Variants in SORCS3 observed in about 807,000 individuals in gnomAD.
SORCS3 encodes sortilin related VPS10 domain containing receptor 3, also known as VPS10 domain-containing receptor SorCS3.
In SORCS3, 57 loss-of-function variants were observed where a neutral mutation model predicts 146.3. That is an observed-to-expected ratio of 0.39 (90% CI 0.31 to 0.49). SORCS3 has a LOEUF of 0.49. Ranked by LOEUF, SORCS3 falls within the 20% of genes least tolerant of loss-of-function variation. The pLI is 0.92. For missense variants in SORCS3, 1,341 were observed against 1,575.5 expected, an observed-to-expected ratio of 0.85 and a Z score of 2.52; for synonymous variants, 653 against 618.5, an observed-to-expected ratio of 1.06 and a Z score of -0.83.
At chr10:105,083,761 G>A (rs2055640743) in intron 5 of SORCS3, among the ~76,000 whole-genome samples, 1 of 152,080 alleles carries the variant, frequency 6.6e-6, no homozygotes, top group South Asian at 2.1e-4. Context: ...TCCAGTTCAT[G>A]TAGTCTAGAA....
rs146222880 is a variant in SORCS3, at chr10:104,814,755, A to G, written c.628-28037A>G. ...CATTTGCATCATTAGGACATAGTAG[A>G]TACCACTTATTAATTAATGGATGTG... On this transcript the variant is annotated intron_variant, in intron 1 of 26. Transcript: ENST00000369701. 6.2e-4 allele frequency among the ~76,000 whole-genome samples: 95 copies of G among 152,358 alleles called. 2 individuals are homozygous for G. The East Asian group carries it at 0.016, about 26-fold the overall frequency.
At chr10:104,981,267 A>G (rs897207017) in intron 4 of SORCS3, among the ~76,000 whole-genome samples, 2 of 152,228 alleles carry the variant, frequency 1.3e-5, no homozygotes, top group Non-Finnish European at 2.9e-5. Context: ...TTAATTTAAA[A>G]GGACTCAGTA....
chr10:104,812,751 G>A (rs1387639725), intron 1 of SORCS3, among the ~76,000 whole-genome samples: 1 of 152,162 alleles, frequency 6.6e-6, no homozygotes, highest in Non-Finnish European at 1.5e-5. Context: ...GCAAGGCAGT[G>A]CTGTGGAGTC....
At chr10:104,707,975 T>C (rs1287722917) in intron 1 of SORCS3, among the ~76,000 whole-genome samples, 1 of 152,194 alleles carries the variant, frequency 6.6e-6, no homozygotes, top group African/African-American at 2.4e-5. Flanking sequence ...GAGTTTCCAT[T>C]GTATTTATAG....
chr10:104,667,827 T>C (rs2015800628), intron 1 of SORCS3, among the ~76,000 whole-genome samples: 1 of 152,212 alleles, frequency 6.6e-6, no homozygotes, highest in Non-Finnish European at 1.5e-5. Flanking sequence ...TAGGATGGTG[T>C]CAGCTTAGTG....
chr10:105,201,305 G>C, intron 16 of SORCS3, 52 bp downstream of exon 16: 1 of 1,553,208 alleles, frequency 6.4e-7, no homozygotes, highest in Non-Finnish European at 8.7e-7. Context: ...TCACCTGTCT[G>C]TGGGGTGGGG....
At chr10:105,212,403 G>A (rs780638833) in intron 17 of SORCS3, among the ~76,000 whole-genome samples, 6 of 152,208 alleles carry the variant, frequency 3.9e-5, no homozygotes, top group African/African-American at 1.4e-4. Context: ...GTGCCAGGAA[G>A]TTTGAGGAAA....
Position 105,092,608 on chromosome 10 carries a change from A to AACACACACACACACAC in SORCS3, c.1093+2785_1093+2800dup, listed in dbSNP as rs61665816. ...GCTCCCTCACACTTGTGCATTCACA[A>AACACACACACACACAC]ACACACACACACACACACACACACA... On this transcript the variant is annotated intron_variant, in intron 6 of 26. Coordinates refer to ENST00000369701, the MANE Select transcript of SORCS3 (RefSeq NM_014978.3). Among the ~76,000 whole-genome samples the AACACACACACACACAC allele has an allele frequency of 4.9e-3, 726 of 147,352 alleles. 5 individuals are homozygous for AACACACACACACACAC. Among genetic ancestry groups the AACACACACACACACAC allele is most frequent in the Admixed American group, 7.6e-3 (112 of 14,716 alleles).
At chr10:105,223,081 A>G (rs2056713717) in intron 19 of SORCS3, 35 bp from the exon 20 acceptor site, 1 of 1,577,284 alleles carries the variant, frequency 6.3e-7, no homozygotes, top group South Asian at 1.1e-5. Flanking sequence ...CACATCCAGA[A>G]TATAAACACT....
intron 1 of SORCS3, among the ~76,000 whole-genome samples, chr10:104,745,017 G>A (rs1216659403): frequency 6.6e-6 from 1 of 152,138 alleles, no homozygotes. Context: ...AAGGAATCAG[G>A]GAATGATTAG....
At chr10:105,158,302 A>G (rs538735967) in intron 10 of SORCS3, among the ~76,000 whole-genome samples, 25 of 152,314 alleles carry the variant, frequency 1.6e-4, no homozygotes, top group African/African-American at 5.3e-4. Flanking sequence ...GAACACTCCA[A>G]TGGGGATAGA....
At chr10:105,061,505 C>T (rs1184510864) in intron 5 of SORCS3, among the ~76,000 whole-genome samples, 3 of 151,860 alleles carry the variant, frequency 2.0e-5, no homozygotes. Flanking sequence ...CCGTGTTAGC[C>T]AGGATGCTCT....
intron 20 of SORCS3, among the ~76,000 whole-genome samples, chr10:105,224,227 T>C (rs1313789994): frequency 6.6e-6 from 1 of 152,216 alleles, no homozygotes; most frequent in Admixed American, 6.5e-5. Context: ...AAATGCTCTG[T>C]GCTCCACCTA....
chr10:105,108,811 C>A (rs2055840027), intron 7 of SORCS3, among the ~76,000 whole-genome samples: 1 of 152,140 alleles, frequency 6.6e-6, no homozygotes, highest in Non-Finnish European at 1.5e-5. Context: ...TAAAAGAATG[C>A]CAATGAGTTG....
chr10:105,210,413 C>A (rs983478244), intron 16 of SORCS3, among the ~76,000 whole-genome samples: 1 of 152,164 alleles, frequency 6.6e-6, no homozygotes, highest in Non-Finnish European at 1.5e-5. Context: ...CTTCTACCTA[C>A]TTTATTGTTC....
intron 6 of SORCS3, among the ~76,000 whole-genome samples, chr10:105,091,045 A>T (rs73348274): frequency 0.078 from 11,893 of 151,786 alleles, 583 homozygotes; most frequent in Middle Eastern, 0.12. Flanking sequence ...ATTTGTTACT[A>T]TATTTCTGCC....
At chr10:104,964,604 T>G (rs1478395649) in intron 3 of SORCS3, among the ~76,000 whole-genome samples, 1 of 152,144 alleles carries the variant, frequency 6.6e-6, no homozygotes, top group Non-Finnish European at 1.5e-5. Context: ...AGTCAATAGG[T>G]TGGATGAATA....
intron 20 of SORCS3, among the ~76,000 whole-genome samples, chr10:105,245,315 G>A (rs954070861): frequency 1.3e-5 from 2 of 152,192 alleles, no homozygotes; most frequent in Admixed American, 1.3e-4. Flanking sequence ...AGGATGCCCA[G>A]TCTTATCCTT....
intron 20 of SORCS3, among the ~76,000 whole-genome samples, chr10:105,241,782 G>T (rs965270176): frequency 6.6e-6 from 1 of 152,126 alleles, no homozygotes; most frequent in African/African-American, 2.4e-5. Context: ...TGAGTCTGGG[G>T]TCTTTATAGG....
Sources: gnomAD v4.1 joint callset for allele counts (sites outside exome capture counted in the v4.1 genomes callset) on GRCh38, gnomAD v4.1.1 for gene constraint, MANE v1.5 for transcripts, NCBI Gene and HGNC (gene_info 2026-07-23, HGNC 2026-07-21) for gene names.